The following SLC6A20 variants were observed in gnomAD, a reference collection of about 807,000 sequenced individuals.
SLC6A20 encodes sodium- and chloride-dependent transporter XTRP3.
In SLC6A20, 73 loss-of-function variants were observed where a neutral mutation model predicts 64.3. The observed-to-expected ratio is 1.14, with a 90% confidence interval of 0.94 to 1.38. SLC6A20 has a LOEUF of 1.38. Ranked by LOEUF, SLC6A20 falls within the 40% of genes most tolerant of loss-of-function variation. The probability of loss-of-function intolerance (pLI) is 0.00; values close to 1 mark genes in which losing one functional copy is unlikely to be tolerated. For synonymous variants in SLC6A20, 347 were observed against 329.6 expected, an observed-to-expected ratio of 1.05 and a Z score of -0.57; for missense variants, 725 against 772.8, an observed-to-expected ratio of 0.94 and a Z score of 0.73.
Position 45,772,522 on chromosome 3 carries a change from A to C in SLC6A20, c.676T>G (p.Tyr226Asp). Residue 226 changes from tyrosine (Y) to aspartate (D), a missense_variant, in exon 5 of 11, where the codon TAC (tyrosine) becomes GAC (aspartate). Physicochemically the swap from Tyr to Asp is radical, Grantham distance 160 (BLOSUM62 -3). Coordinates refer to ENST00000358525, the MANE Select transcript of SLC6A20 (RefSeq NM_020208.4). ...TLHGATNGLM[Y>D]MFTPKIEQLA... ...GCCCGTACCTTGGGAGTGAACATGTACATGAGGCCATTGGTGGCTCCGTGG... is the reference window on the plus strand; with the variant it reads ...GCCCGTACCTTGGGAGTGAACATGTCCATGAGGCCATTGGTGGCTCCGTGG... The C allele has an allele frequency of 1.2e-6, 2 of 1,613,548 alleles. No homozygotes were observed. The highest frequency in any genetic ancestry group is 1.7e-6 in the Non-Finnish European group (2 of 1,179,752).
intron 9 of SLC6A20, among the ~76,000 whole-genome samples, chr3:45,760,968 G>A (rs1390079423): frequency 6.6e-6 from 1 of 152,186 alleles, no homozygotes; most frequent in Non-Finnish European, 1.5e-5. Context: ...GCCTTGGCGG[G>A]AGGGGCTGGG....
At chr3:45,767,257 C>A (rs190843379) in intron 7 of SLC6A20, among the ~76,000 whole-genome samples, 6 of 152,328 alleles carry the variant, frequency 3.9e-5, no homozygotes, top group Admixed American at 2.6e-4. Flanking sequence ...TGCTCTCCTT[C>A]TCTTGCCTAT....
chr3:45,760,105 A>C, intron 9 of SLC6A20, 83 bp from the exon 10 acceptor site: 1 of 1,447,520 alleles, frequency 6.9e-7, no homozygotes, highest in Non-Finnish European at 9.4e-7. Context: ...CCTATTCACA[A>C]AGGAACATTC....
chr3:45,790,687 A>G (rs1700235272), intron 1 of SLC6A20, among the ~76,000 whole-genome samples: 1 of 152,156 alleles, frequency 6.6e-6, no homozygotes, highest in African/African-American at 2.4e-5. Flanking sequence ...TACCCAGTGC[A>G]TCCTTGGCCT....
intron 1 of SLC6A20, among the ~76,000 whole-genome samples, chr3:45,788,554 A>T (rs536370773): frequency 6.6e-6 from 1 of 152,368 alleles, no homozygotes; most frequent in African/African-American, 2.4e-5. Context: ...TTAGACATAT[A>T]GCCTGTGATC....
At chr3:45,771,578 G>A in intron 5 of SLC6A20, 120 bp from the exon 6 acceptor site, 3 of 1,503,052 alleles carry the variant, frequency 2.0e-6, no homozygotes, top group Non-Finnish European at 2.7e-6. Flanking sequence ...CAGCCATCAG[G>A]GGCACCCCTA....
Position 45,782,168 on chromosome 3 carries a change from C to A in SLC6A20, c.177G>T (p.Leu59Phe). The A allele has an allele frequency of 6.2e-7, 1 of 1,613,918 alleles. No individual in the cohort carries two copies. The highest frequency in any genetic ancestry group is 8.5e-7 in the Non-Finnish European group (1 of 1,179,918). The change falls in exon 2 of 11, where the codon TTG becomes TTT. Residue 59 changes from leucine (L) to phenylalanine (F), a missense_variant. By Grantham distance (22) the Leu-to-Phe change is conservative (BLOSUM62 0). Transcript: ENST00000358525. ...IMLIVEGMPL[L>F]YLELAVGQRM... ...GCTGCCCCACAGCCAGTTCCAGGTACAAGAGCGGCATTCCCTCCACGATAA... is the reference window on the plus strand; with the variant it reads ...GCTGCCCCACAGCCAGTTCCAGGTAAAAGAGCGGCATTCCCTCCACGATAA...
At chr3:45,768,629 G>A (rs887592050) in intron 7 of SLC6A20, among the ~76,000 whole-genome samples, 5 of 152,114 alleles carry the variant, frequency 3.3e-5, no homozygotes, top group Non-Finnish European at 2.9e-5. Context: ...GAACAACCAG[G>A]AGAAAAAAGC....
At position 45,765,610 on chromosome 3, in the gene SLC6A20, G is replaced by A. The variant is rs764077921; in HGVS notation, c.1230C>T (p.Asn410=). 6.2e-7 allele frequency: 1 copy of A among 1,614,180 alleles called. No homozygotes were observed. The highest frequency in any genetic ancestry group is 8.5e-7 in the Non-Finnish European group (1 of 1,180,042). ...TCAGAGGGGTGAGGATGGCCGCTGT[G>A]TTCCCCAGCATGCTCCCAATGCCCA... ...LMLGIGSMLG[N]TAAILTPLTD... The change falls in exon 8 of 11, where the codon AAC becomes AAT. Residue 410 remains asparagine (N), a synonymous_variant. Transcript: ENST00000358525. This position sits in a 1 kb window ranked among gnomAD's most constrained non-coding sequence, Gnocchi z 4.2.
At chr3:45,789,690 G>A (rs1391367152) in intron 1 of SLC6A20, among the ~76,000 whole-genome samples, 1 of 152,080 alleles carries the variant, frequency 6.6e-6, no homozygotes, top group African/African-American at 2.4e-5. Context: ...ACCTCTGGGT[G>A]GTGGAATTTC....
intron 4 of SLC6A20, among the ~76,000 whole-genome samples, chr3:45,772,878 C>G (rs951807031): frequency 3.1e-4 from 47 of 152,182 alleles, no homozygotes; most frequent in Admixed American, 1.8e-3. Context: ...TACCGAGCCT[C>G]TGCCTTCCAC....
chr3:45,785,613 T>TTCTCTCACTCTCTC (rs1700157290), intron 1 of SLC6A20, among the ~76,000 whole-genome samples: 1 of 141,016 alleles, frequency 7.1e-6, no homozygotes. Flanking sequence ...AAACTCCCCT[T>TTCTCTCACTCTCTC]TCTCTCTCTC....
intron 9 of SLC6A20, 115 bp from the exon 10 acceptor site, chr3:45,760,137 T>A (rs1259266050): frequency 4.8e-6 from 6 of 1,245,506 alleles, no homozygotes; most frequent in Non-Finnish European, 6.6e-6. Flanking sequence ...GTAAAGGATG[T>A]CTGAGCTTGG....
chr3:45,760,804 C>A (rs1699663293), intron 9 of SLC6A20, among the ~76,000 whole-genome samples: 1 of 152,222 alleles, frequency 6.6e-6, no homozygotes, highest in African/African-American at 2.4e-5. Context: ...GATGTTGGCC[C>A]AACGAAACTC....
intron 3 of SLC6A20, 82 bp downstream of exon 3, chr3:45,779,927 C>T (rs545107358): frequency 2.1e-6 from 3 of 1,453,708 alleles, no homozygotes; most frequent in African/African-American, 1.4e-5. Context: ...TTGCCCCACA[C>T]CCCCTTCCCC....
At chr3:45,774,711 G>A (rs917387275) in intron 4 of SLC6A20, among the ~76,000 whole-genome samples, 10 of 152,186 alleles carry the variant, frequency 6.6e-5, no homozygotes, top group African/African-American at 2.2e-4. Flanking sequence ...AACTCAGGTA[G>A]TCAGAGGGTG....
chr3:45,767,548 G>C (rs1699796938), intron 7 of SLC6A20, among the ~76,000 whole-genome samples: 1 of 152,150 alleles, frequency 6.6e-6, no homozygotes, highest in Non-Finnish European at 1.5e-5. Flanking sequence ...GAGAGGTTAA[G>C]AGACCTGTAG....
chr3:45,762,107 A>T (rs765353879), intron 9 of SLC6A20, among the ~76,000 whole-genome samples: 2 of 152,206 alleles, frequency 1.3e-5, no homozygotes, highest in Non-Finnish European at 2.9e-5. Flanking sequence ...GGCCCCCTGG[A>T]CATAGTGTGA....
intron 3 of SLC6A20, among the ~76,000 whole-genome samples, chr3:45,776,747 C>A (rs1362278320): frequency 6.6e-6 from 1 of 152,162 alleles, no homozygotes; most frequent in Non-Finnish European, 1.5e-5. Flanking sequence ...GCAAAGACCA[C>A]CCAAGTGAGA....
Sources: gnomAD v4.1 joint callset for allele counts (sites outside exome capture counted in the v4.1 genomes callset) on GRCh38, gnomAD v4.1.1 for gene constraint, Gnocchi (gnomAD v3.1) non-coding constraint, MANE v1.5 for transcripts, NCBI Gene and HGNC (gene_info 2026-07-23, HGNC 2026-07-21) for gene names.